PTPRR: variants seen among roughly 807,000 people sequenced by gnomAD.
PTPRR encodes protein tyrosine phosphatase receptor type R.
Under a neutral mutation model 77.2 loss-of-function variants are expected in PTPRR, and 38 were observed. The ratio of observed to expected loss-of-function variants is 0.49; its 90% CI spans 0.38 to 0.65. The LOEUF (loss-of-function observed/expected upper bound fraction) is 0.65. PTPRR is among the 30% of genes least tolerant of loss of function. The probability of loss-of-function intolerance (pLI) is 0.00; values close to 1 mark genes in which losing one functional copy is unlikely to be tolerated. For synonymous variants in PTPRR, 299 were observed against 283.1 expected (o/e 1.06, Z -0.57); for missense variants, 744 against 799.2 (o/e 0.93, Z 0.83).
intron 6 of PTPRR, among the ~76,000 whole-genome samples, chr12:70,731,106 GGAAGGAA>G (rs147188742): frequency 0.033 from 4,933 of 148,800 alleles, 306 homozygotes; most frequent in African/African-American, 0.12. Flanking sequence ...AGGAGAGAGA[GGAAGGAA>G]GGAGGAAGGA....
At chr12:70,728,727 C>T (rs1405984715) in intron 6 of PTPRR, among the ~76,000 whole-genome samples, 1 of 151,376 alleles carries the variant, frequency 6.6e-6, no homozygotes, top group Admixed American at 6.6e-5. Context: ...AGATGGCTTC[C>T]TTCAATTCTC....
At chr12:70,863,263 T>A (rs1892784373) in intron 2 of PTPRR, among the ~76,000 whole-genome samples, 1 of 152,154 alleles carries the variant, frequency 6.6e-6, no homozygotes, top group South Asian at 2.1e-4. Flanking sequence ...GATATCAGCC[T>A]CCTAAAATTA....
At chr12:70,767,214 A>C (rs1019275616) in intron 2 of PTPRR, among the ~76,000 whole-genome samples, 2 of 152,122 alleles carry the variant, frequency 1.3e-5, no homozygotes, top group Admixed American at 6.5e-5. Flanking sequence ...AAAGACACAG[A>C]CTGGCAAATT....
intron 6 of PTPRR, among the ~76,000 whole-genome samples, chr12:70,738,207 G>T (rs1354158497): frequency 6.6e-6 from 1 of 152,060 alleles, no homozygotes; most frequent in African/African-American, 2.4e-5. Context: ...CACAATCCTG[G>T]GTGTTATATC....
intron 2 of PTPRR, among the ~76,000 whole-genome samples, chr12:70,815,145 A>AC (rs1891880086): frequency 2.4e-5 from 3 of 125,204 alleles, no homozygotes; most frequent in Non-Finnish European, 5.2e-5. Flanking sequence ...AAAAAAAAAA[A>AC]AAACCCACGT....
At chr12:70,772,411 C>T (rs1194621846) in intron 2 of PTPRR, among the ~76,000 whole-genome samples, 1 of 152,098 alleles carries the variant, frequency 6.6e-6, no homozygotes, top group Admixed American at 6.6e-5. Context: ...TTTATAGTCT[C>T]AAAAGGAAAT....
chr12:70,795,039 G>A (rs566640964), intron 2 of PTPRR, among the ~76,000 whole-genome samples: 1 of 152,024 alleles, frequency 6.6e-6, no homozygotes, highest in South Asian at 2.1e-4. Flanking sequence ...GAGAGGGTAG[G>A]GAGATTATAA....
intron 2 of PTPRR, among the ~76,000 whole-genome samples, chr12:70,787,456 G>A (rs1592757807): frequency 6.6e-6 from 1 of 152,162 alleles, no homozygotes. Flanking sequence ...ACAAGGCTAA[G>A]AAGCCACATC....
At chr12:70,876,401 G>A (rs527897286) in intron 2 of PTPRR, among the ~76,000 whole-genome samples, 4 of 152,214 alleles carry the variant, frequency 2.6e-5, no homozygotes, top group African/African-American at 9.6e-5. Context: ...TGAAATAGAT[G>A]TACATTGACT....
At chr12:70,733,046 A>G (rs1037942813) in intron 6 of PTPRR, among the ~76,000 whole-genome samples, 1 of 152,242 alleles carries the variant, frequency 6.6e-6, no homozygotes, top group East Asian at 1.9e-4. Context: ...GCAGGAAATG[A>G]AAAGTAAGGC....
chr12:70,847,632 G>A (rs972520184), intron 2 of PTPRR, among the ~76,000 whole-genome samples: 2 of 152,000 alleles, frequency 1.3e-5, no homozygotes, highest in Admixed American at 1.3e-4. Context: ...ATTTTTTATT[G>A]TTCCTACTTC....
At chr12:70,823,108 GACACACACACACACACACAC>G (rs58549756) in intron 2 of PTPRR, among the ~76,000 whole-genome samples, 25 of 139,582 alleles carry the variant, frequency 1.8e-4, no homozygotes, top group African/African-American at 4.2e-4. Flanking sequence ...CTCTCTCTCT[GACACACACACACACACACAC>G]ACACACACAC....
intron 2 of PTPRR, among the ~76,000 whole-genome samples, chr12:70,868,899 C>T (rs574774148): frequency 1.6e-4 from 24 of 151,446 alleles, no homozygotes; most frequent in Admixed American, 1.4e-3. Context: ...ATGGATGAAA[C>T]TGGAAATCAT....
intron 2 of PTPRR, among the ~76,000 whole-genome samples, chr12:70,799,561 T>A (rs545391436): frequency 6.6e-6 from 1 of 152,336 alleles, no homozygotes; most frequent in Non-Finnish European, 1.5e-5. Flanking sequence ...AGCACTGATT[T>A]TTTTTTACCC....
At chr12:70,664,936 C>T (rs1442141999) in intron 10 of PTPRR, among the ~76,000 whole-genome samples, 3 of 152,124 alleles carry the variant, frequency 2.0e-5, no homozygotes, top group African/African-American at 4.8e-5. Flanking sequence ...GCTGCAAATG[C>T]AGTTGTTTCT....
chr12:70,788,577 A>T (rs1891369241), intron 2 of PTPRR, among the ~76,000 whole-genome samples: 1 of 152,212 alleles, frequency 6.6e-6, no homozygotes, highest in South Asian at 2.1e-4. Context: ...CTTTACAAGA[A>T]ACTCCTTATG....
At chr12:70,672,867 C>G (rs1397867099) in intron 10 of PTPRR, 1 of 1,558,602 alleles carries the variant, frequency 6.4e-7, no homozygotes, top group Non-Finnish European at 8.7e-7. Flanking sequence ...TGTGATGGCT[C>G]CTGCACAGGC....
At chr12:70,687,503 C>T (rs549593455) in intron 8 of PTPRR, among the ~76,000 whole-genome samples, 1 of 151,908 alleles carries the variant, frequency 6.6e-6, no homozygotes, top group South Asian at 2.1e-4. Flanking sequence ...TAAAATAGCT[C>T]CTGATCATGC....
intron 6 of PTPRR, among the ~76,000 whole-genome samples, chr12:70,707,884 T>C (rs965377495): frequency 1.3e-5 from 2 of 152,060 alleles, no homozygotes; most frequent in Non-Finnish European, 2.9e-5. Context: ...ACTGAAAATA[T>C]GATAAAACCT....
Sources: allele counts gnomAD v4.1 joint callset (sites outside exome capture counted in the v4.1 genomes callset), GRCh38; gene constraint gnomAD v4.1.1; transcripts MANE v1.5; gene names NCBI Gene and HGNC (gene_info 2026-07-23, HGNC 2026-07-21).